DST: variants seen among roughly 807,000 people sequenced by gnomAD.
The protein encoded by DST is bullous pemphigoid antigen.
Under a neutral mutation model 875.2 loss-of-function variants are expected in DST, and 253 were observed. The observed-to-expected ratio is 0.29, with a 90% CI of 0.26 to 0.32. DST has a LOEUF of 0.32. Ranked by LOEUF, DST falls within the 10% of genes least tolerant of loss-of-function variation. DST has a pLI of 1.00. For synonymous variants in DST, 3,124 were observed against 3,197.1 expected (o/e 0.98, Z 0.77); for missense variants, 8,287 against 9,111.6 (o/e 0.91, Z 3.68).
rs145741702 is a variant in DST at position 56,796,102 on chromosome 6, C to G, written c.625+55295G>C. ...AGGGATACGGGGCAACCATACAGAACGAAACAGAACAGCTCACAAGGTTCT... is the reference window on the plus strand; with the variant it reads ...AGGGATACGGGGCAACCATACAGAAGGAAACAGAACAGCTCACAAGGTTCT... On this transcript the variant is annotated intron_variant, in intron 4 of 103. Coordinates refer to ENST00000680361, the MANE Select transcript of DST (RefSeq NM_001374736.1). Among the ~76,000 whole-genome samples the G allele has an allele frequency of 2.0e-5, 3 of 152,202 alleles. No homozygotes were observed. In the East Asian group the frequency reaches 5.8e-4, roughly 29 times the overall value.
chr6:56,869,021 G>A (rs1203199228), intron 3 of DST, among the ~76,000 whole-genome samples: 1 of 152,156 alleles, frequency 6.6e-6, no homozygotes, highest in Non-Finnish European at 1.5e-5. Context: ...TAAAAATAAG[G>A]ACTAAAAGCT....
intron 67 of DST, among the ~76,000 whole-genome samples, chr6:56,528,375 C>T (rs549665225): frequency 2.0e-5 from 3 of 152,180 alleles, no homozygotes; most frequent in African/African-American, 7.2e-5. Flanking sequence ...CTGAGTTGTC[C>T]TAAAAATCTC....
intron 4 of DST, among the ~76,000 whole-genome samples, chr6:56,830,493 C>A (rs2099785690): frequency 6.6e-6 from 1 of 152,106 alleles, no homozygotes; most frequent in Non-Finnish European, 1.5e-5. Context: ...CATAAGTTTT[C>A]TTTCCATATT....
intron 4 of DST, among the ~76,000 whole-genome samples, chr6:56,786,390 G>A (rs2099705608): frequency 1.3e-5 from 2 of 152,196 alleles, no homozygotes; most frequent in South Asian, 4.1e-4. Context: ...TACAATATCT[G>A]ACTTCCTGAT....
intron 59 of DST, among the ~76,000 whole-genome samples, 192 bp downstream of exon 59, chr6:56,557,127 T>C (rs1398832431): frequency 6.6e-6 from 1 of 152,226 alleles, no homozygotes; most frequent in African/African-American, 2.4e-5. Context: ...AGATGCCTTA[T>C]AGCTTTAGTT....
chr6:56,630,908 G>A (rs368549006), intron 30 of DST, among the ~76,000 whole-genome samples: 17 of 150,654 alleles, frequency 1.1e-4, no homozygotes, highest in Admixed American at 1.1e-3. Flanking sequence ...TCAGCTTCCC[G>A]AGTAGCTGGG....
chr6:56,624,232 A>G lies in DST; in HGVS notation c.4929+298T>C, dbSNP rs1350181277. The G allele has an allele frequency of 1.0e-5, 6 of 589,052 alleles. No individual in the cohort carries two copies. The Admixed American group carries it at 1.2e-4, about 12-fold the overall frequency. The allele number at this position is 589,052 out of a possible 1,614,324, so 36.5% of individuals were successfully genotyped here. ...AGAAAGCCGAAAAATATTCTGCCAA[A>G]CTGCCAAAATTTCGTAATTTATTTA... On this transcript the variant is annotated intron_variant, in intron 36 of 103. Transcript: ENST00000680361.
chr6:56,516,569 AT>A (rs200304409), intron 71 of DST, among the ~76,000 whole-genome samples: 1 of 151,730 alleles, frequency 6.6e-6, no homozygotes, highest in South Asian at 2.1e-4. Context: ...AGAGATTCCT[AT>A]TTTTTTTGCC....
At chr6:56,819,645 T>C (rs1447596748) in intron 4 of DST, among the ~76,000 whole-genome samples, 2 of 152,166 alleles carry the variant, frequency 1.3e-5, no homozygotes, top group African/African-American at 2.4e-5. Context: ...TAGCTTAGTA[T>C]AAGCAAAAGG....
chr6:56,798,229 C>A (rs2099742646), intron 4 of DST, among the ~76,000 whole-genome samples: 1 of 152,170 alleles, frequency 6.6e-6, no homozygotes, highest in Non-Finnish European at 1.5e-5. Context: ...ATTGGAGATG[C>A]CACATAGGAC....
chr6:56,772,321 T>G (rs56343623), intron 4 of DST, among the ~76,000 whole-genome samples: 1 of 152,224 alleles, frequency 6.6e-6, no homozygotes, highest in African/African-American at 2.4e-5. Context: ...TGTTACTTAT[T>G]AGCTGAATCA....
rs1401501031 is a variant in DST, at chr6:56,642,043, T to C, written c.1931A>G (p.Tyr644Cys). The change falls in exon 17 of 104, where the codon TAT becomes TGT. Residue 644 changes from tyrosine (Y) to cysteine (C), a missense_variant. Tyr to Cys is a radical substitution (Grantham distance 194). Around this residue, in one of 10 missense-constraint regions of DST, gnomAD observed 1,160 missense variants for 1,424.3 expected, o/e 0.81. Coordinates refer to ENST00000680361, the MANE Select transcript of DST (RefSeq NM_001374736.1). Reference sequence around the variant, plus strand: ...TAAAAGGTTCTCACATTCAAGTATATACCCAGCAATTTCTGCTTCATTCTG... The same window carrying C: ...TAAAAGGTTCTCACATTCAAGTATACACCCAGCAATTTCTGCTTCATTCTG... ...QFQNEAEIAGYILECENLLRQ... is the reference protein window; with the variant it reads ...QFQNEAEIAGCILECENLLRQ... 1 of 1,612,582 alleles carries C rather than the reference T, an allele frequency of 6.2e-7. No homozygotes were observed. Among genetic ancestry groups the C allele is most frequent in the Admixed American group, 1.7e-5 (1 of 59,996 alleles).
At chr6:56,664,419 G>C (rs992232773) in intron 10 of DST, among the ~76,000 whole-genome samples, 15 of 152,214 alleles carry the variant, frequency 9.9e-5, no homozygotes, top group Non-Finnish European at 2.1e-4. Context: ...CCTTAAATAA[G>C]AGGAGAGCTG....
chr6:56,663,017 A>G (rs1025270050), intron 10 of DST, among the ~76,000 whole-genome samples: 1 of 152,206 alleles, frequency 6.6e-6, no homozygotes, highest in African/African-American at 2.4e-5. Flanking sequence ...GGGAGGCTTC[A>G]TATTACAGAG....
At chr6:56,830,493 C>G (rs2099785690) in intron 4 of DST, among the ~76,000 whole-genome samples, 1 of 152,106 alleles carries the variant, frequency 6.6e-6, no homozygotes, top group African/African-American at 2.4e-5. Context: ...CATAAGTTTT[C>G]TTTCCATATT....
intron 10 of DST, among the ~76,000 whole-genome samples, chr6:56,661,573 A>C (rs1167550029): frequency 6.6e-6 from 1 of 150,398 alleles, no homozygotes; most frequent in Non-Finnish European, 1.5e-5. Context: ...CTAACTCAAG[A>C]CAGCCCCACT....
intron 4 of DST, chr6:56,843,499 G>A (rs879623521): frequency 2.5e-4 from 247 of 987,034 alleles, no homozygotes; most frequent in Non-Finnish European, 2.9e-4. Context: ...GCGGGCGGGG[G>A]CCGGCGGGCG....
At chr6:56,787,325 T>C (rs1010823368) in intron 4 of DST, among the ~76,000 whole-genome samples, 1 of 152,164 alleles carries the variant, frequency 6.6e-6, no homozygotes, top group Non-Finnish European at 1.5e-5. Flanking sequence ...TCATGTCTTA[T>C]TTCAGATGAG....
rs16888045 is a variant in DST at position 56,603,827 on chromosome 6, G to A, written c.10791+10C>T. 6.7e-3 allele frequency: 10,799 copies of A among 1,603,650 alleles called. 490 individuals are homozygous for A. The African/African-American group carries it at 0.11, about 16-fold the overall frequency. On this transcript the variant is annotated intron_variant, in intron 40 of 103. Transcript: ENST00000680361. ...AGCTTTTTCTGTATAAAATGTATAG[G>A]TCAACTTACTTGTTCGGTTGAGCTA...
Sources: gnomAD v4.1 joint callset for allele counts (sites outside exome capture counted in the v4.1 genomes callset) on GRCh38, gnomAD v4.1.1 for gene constraint, gnomAD v4.1.1 regional missense constraint, MANE v1.5 for transcripts, NCBI Gene and HGNC (gene_info 2026-07-23, HGNC 2026-07-21) for gene names.